The following EHHADH variants were observed in gnomAD, a reference collection of about 807,000 sequenced individuals.
The protein encoded by EHHADH is enoyl-CoA hydratase and 3-hydroxyacyl CoA dehydrogenase, also known as peroxisomal bifunctional enzyme.
EHHADH carries 48 observed loss-of-function variants against 64.4 expected under a neutral mutation model. That is an observed-to-expected ratio of 0.75 (90% CI 0.59 to 0.95). The LOEUF (loss-of-function observed/expected upper bound fraction) is 0.95, where lower values mean the gene tolerates loss of function less well. EHHADH is among the 40% of genes least tolerant of loss of function. The probability of loss-of-function intolerance (pLI) is 0.00; values close to 1 mark genes in which losing one functional copy is unlikely to be tolerated. For missense variants in EHHADH, 854 were observed against 876.6 expected (o/e 0.97, Z 0.33); for synonymous variants, 308 against 326.7 (o/e 0.94, Z 0.62).
chr3:185,237,287 C>T (rs1719320252), intron 2 of EHHADH, among the ~76,000 whole-genome samples: 1 of 152,162 alleles, frequency 6.6e-6, no homozygotes, highest in Non-Finnish European at 1.5e-5. Context: ...GATTTTTCTA[C>T]AAACATTATT....
At chr3:185,225,120 G>C (rs1253069757) in intron 4 of EHHADH, among the ~76,000 whole-genome samples, 1 of 152,154 alleles carries the variant, frequency 6.6e-6, no homozygotes, top group Non-Finnish European at 1.5e-5. Context: ...TGAGAAAACA[G>C]AGGCTTAGAG....
At chr3:185,204,783 C>A (rs1718342394) in intron 5 of EHHADH, 26 bp from the exon 6 acceptor site, 1 of 1,546,898 alleles carries the variant, frequency 6.5e-7, no homozygotes, top group East Asian at 2.3e-5. Context: ...AGGATCAGAG[C>A]TTTGGAAATG....
Position 185,193,501 on chromosome 3 carries a change from T to A in EHHADH, c.911-14A>T. 6.2e-7 allele frequency: 1 copy of A among 1,609,046 alleles called. No individual in the cohort carries two copies. The highest frequency in any genetic ancestry group is 1.1e-5 in the South Asian group (1 of 89,934). On this transcript the variant is annotated splice_polypyrimidine_tract_variant and intron_variant, in intron 6 of 6. Transcript: ENST00000231887. ...TTGTTCCCAAGCCTGCAGATAAAAA[T>A]CAAAGGAGAAAAAGAATGATTCAGT... is the stretch of plus-strand genomic sequence containing the variant.
intron 6 of EHHADH, among the ~76,000 whole-genome samples, chr3:185,197,734 G>C (rs1304221306): frequency 6.6e-6 from 1 of 152,184 alleles, no homozygotes. Context: ...TTAGGCGATT[G>C]TGAGTAATGC....
chr3:185,192,429 G>C lies in EHHADH; in HGVS notation c.1969C>G (p.Pro657Ala), dbSNP rs1339213115. 2 of 1,614,196 alleles carry C rather than the reference G, an allele frequency of 1.2e-6. No homozygotes were observed. The highest frequency in any genetic ancestry group is 3.3e-4 in the Middle Eastern group (2 of 6,062). The stretch of plus-strand genomic sequence containing the variant: ...AACATGGGCCCGCCCTTGTGCCTTG[G>C]CCATCCATATCCATGTAAATAGACA... ...DVVYLHGYGW[P>A]RHKGGPMFYA... The change falls in exon 7 of 7, where the codon CCA (proline) becomes GCA (alanine). Residue 657 changes from proline (P) to alanine (A), a missense_variant. By Grantham distance (27) the Pro-to-Ala change is conservative. Coordinates refer to ENST00000231887, the MANE Select transcript of EHHADH (RefSeq NM_001966.4).
At chr3:185,225,435 A>G (rs903759392) in intron 4 of EHHADH, among the ~76,000 whole-genome samples, 4 of 152,030 alleles carry the variant, frequency 2.6e-5, no homozygotes, top group African/African-American at 7.2e-5. Context: ...ATCTGACCAT[A>G]TCTTATGATT....
chr3:185,228,661 A>G (rs919496968), intron 4 of EHHADH, among the ~76,000 whole-genome samples: 1 of 151,860 alleles, frequency 6.6e-6, no homozygotes, highest in African/African-American at 2.4e-5. Context: ...CTGGGCTACA[A>G]GAGCGAAACT....
At position 185,218,148 on chromosome 3, in the gene EHHADH, G is replaced by C; in HGVS notation, c.556C>G (p.Gln186Glu). 1 of 1,604,442 alleles carries C rather than the reference G, an allele frequency of 6.2e-7. No homozygotes were observed. The highest frequency in any genetic ancestry group is 8.5e-7 in the Non-Finnish European group (1 of 1,175,462). Reference protein sequence around the residue: ...DPVEEAIRFAQRVSDQPLESR... With the variant: ...DPVEEAIRFAERVSDQPLESR... ...ATTATCTTCTTACCTGAAACTCTCT[G>C]AGCAAATCTGATTGCTTCTTCAACC... The change falls in exon 5 of 7, where the codon CAG becomes GAG. Residue 186 changes from glutamine to glutamate, a missense_variant. Gln to Glu is a conservative substitution (Grantham distance 29). Coordinates refer to ENST00000231887, the MANE Select transcript of EHHADH (RefSeq NM_001966.4).
At chr3:185,195,920 T>C (rs1193901930) in intron 6 of EHHADH, among the ~76,000 whole-genome samples, 4 of 152,104 alleles carry the variant, frequency 2.6e-5, no homozygotes, top group African/African-American at 9.7e-5. Context: ...ACCCCCTGAA[T>C]CTAAAATAAA....
intron 2 of EHHADH, chr3:185,245,357 A>G (rs1308143877): frequency 2.5e-6 from 1 of 397,908 alleles, no homozygotes; most frequent in Non-Finnish European, 4.4e-6. Flanking sequence ...AGAACTTGGC[A>G]GCTTTTTTAT....
intron 2 of EHHADH, among the ~76,000 whole-genome samples, chr3:185,242,818 T>C (rs1719494073): frequency 6.6e-6 from 1 of 152,230 alleles, no homozygotes; most frequent in African/African-American, 2.4e-5. Context: ...GGGCTTTAGT[T>C]CTTCCCCTGC....
At chr3:185,203,574 A>C (rs891933828) in intron 6 of EHHADH, among the ~76,000 whole-genome samples, 1 of 152,194 alleles carries the variant, frequency 6.6e-6, no homozygotes, top group Non-Finnish European at 1.5e-5. Context: ...GAAGCCAATC[A>C]GGGAGCTAGC....
chr3:185,237,119 A>G (rs1373413724), intron 2 of EHHADH, among the ~76,000 whole-genome samples: 12 of 152,216 alleles, frequency 7.9e-5, no homozygotes, highest in Admixed American at 7.9e-4. Flanking sequence ...TTATTATCCC[A>G]GTTTCTGAAA....
intron 6 of EHHADH, among the ~76,000 whole-genome samples, chr3:185,201,265 C>T (rs553530291): frequency 4.6e-5 from 7 of 152,146 alleles, no homozygotes; most frequent in South Asian, 4.2e-4. Flanking sequence ...TCCATAGAGA[C>T]GATGAGGACA....
Position 185,254,042 on chromosome 3 carries a change from G to A in EHHADH, c.-20C>T, listed in dbSNP as rs752552855. 1.3e-5 allele frequency: 21 copies of A among 1,611,688 alleles called. No individual in the cohort carries two copies. Among genetic ancestry groups the A allele is most frequent in the Non-Finnish European group, 1.7e-5 (20 of 1,178,282 alleles). The stretch of plus-strand genomic sequence containing the variant: ...GGCCATGTTTCCTCTATCACCGAGG[G>A]CACCTCTGCCTCTCGCCGTCAGGCA... On this transcript the variant is annotated 5_prime_UTR_variant, in exon 1 of 7. Coordinates refer to ENST00000231887, the MANE Select transcript of EHHADH (RefSeq NM_001966.4).
chr3:185,225,507 C>T (rs1718950571), intron 4 of EHHADH, among the ~76,000 whole-genome samples: 1 of 152,120 alleles, frequency 6.6e-6, no homozygotes, highest in African/African-American at 2.4e-5. Flanking sequence ...GATAGCAGCC[C>T]TCAGTCTTCC....
chr3:185,226,517 C>T (rs571475329), intron 4 of EHHADH, among the ~76,000 whole-genome samples: 137 of 152,144 alleles, frequency 9.0e-4, no homozygotes, highest in Admixed American at 1.8e-3. Context: ...GGCATGGTGG[C>T]GCATTTCTGT....
chr3:185,233,054 C>A (rs1719180966), intron 3 of EHHADH, among the ~76,000 whole-genome samples: 1 of 152,120 alleles, frequency 6.6e-6, no homozygotes, highest in African/African-American at 2.4e-5. Flanking sequence ...TAAAGAGTAA[C>A]TTCATGGGTA....
intron 2 of EHHADH, among the ~76,000 whole-genome samples, chr3:185,241,386 C>T (rs1719447189): frequency 6.6e-6 from 1 of 152,154 alleles, no homozygotes; most frequent in Admixed American, 6.5e-5. Context: ...CACTGTTTTC[C>T]ATAGTAGTTG....
Sources: allele counts gnomAD v4.1 joint callset (sites outside exome capture counted in the v4.1 genomes callset), GRCh38; gene constraint gnomAD v4.1.1; transcripts MANE v1.5; gene names NCBI Gene and HGNC (gene_info 2026-07-23, HGNC 2026-07-21).